PICALM: variants seen among roughly 807,000 people sequenced by gnomAD.
PICALM encodes the protein phosphatidylinositol-binding clathrin assembly protein.
A neutral mutation model predicts 80.5 loss-of-function variants in PICALM; 40 were observed. That is an observed-to-expected ratio of 0.50 (90% CI 0.39 to 0.65). The LOEUF (loss-of-function observed/expected upper bound fraction) is 0.65, where lower values mean the gene tolerates loss of function less well. Among genes scored for constraint, PICALM ranks in the 30% least tolerant of loss-of-function variants. The pLI, the probability that PICALM is intolerant of heterozygous loss-of-function variation, is 0.00. For missense variants in PICALM, 676 were observed against 778.9 expected (o/e 0.87, Z 1.57); for synonymous variants, 288 against 260.3 (o/e 1.11, Z -1.02).
intron 2 of PICALM, among the ~76,000 whole-genome samples, chr11:86,026,705 G>A (rs2095654232): frequency 1.3e-5 from 2 of 152,012 alleles, no homozygotes; most frequent in East Asian, 1.9e-4. Context: ...TTAAACAGCC[G>A]TCTGGTAAAC....
upstream of PICALM, chr11:86,069,440 C>G (rs1170744130): frequency 1.3e-5 from 2 of 152,902 alleles, no homozygotes; most frequent in African/African-American, 4.8e-5. Flanking sequence ...CGGCAGGCTT[C>G]TCCCCTTATC....
intron 1 of PICALM, among the ~76,000 whole-genome samples, chr11:86,038,547 C>T (rs540675587): frequency 6.6e-6 from 1 of 151,580 alleles, no homozygotes; most frequent in Non-Finnish European, 1.5e-5. Flanking sequence ...CTTTGGGAGA[C>T]CGAGGCGGGT....
chr11:85,970,114 G>T (rs1488100702), intron 19 of PICALM, among the ~76,000 whole-genome samples: 1 of 152,122 alleles, frequency 6.6e-6, no homozygotes, highest in East Asian at 1.9e-4. Context: ...TAGGAACTAG[G>T]GACAGAGAAG....
intron 1 of PICALM, among the ~76,000 whole-genome samples, chr11:86,062,587 A>G (rs1427175372): frequency 6.6e-6 from 1 of 152,112 alleles, no homozygotes; most frequent in Non-Finnish European, 1.5e-5. Context: ...TAGGTCCATC[A>G]ATTTTAACAA....
chr11:86,003,090 T>C (rs956316342), intron 9 of PICALM, among the ~76,000 whole-genome samples: 1 of 152,192 alleles, frequency 6.6e-6, no homozygotes, highest in Admixed American at 6.5e-5. Context: ...AGGAGAAATT[T>C]TGACATCATA....
At chr11:85,964,209 A>G (rs2093797276) in intron 19 of PICALM, among the ~76,000 whole-genome samples, 1 of 152,082 alleles carries the variant, frequency 6.6e-6, no homozygotes, top group East Asian at 1.9e-4. Context: ...TTAGGAAAAA[A>G]CTTGTGACAT....
intron 11 of PICALM, among the ~76,000 whole-genome samples, chr11:85,997,714 G>A (rs1002708360): frequency 2.0e-5 from 3 of 152,074 alleles, no homozygotes; most frequent in African/African-American, 7.2e-5. Context: ...CAGGTGATAC[G>A]CCTGCCTCGG....
rs545355076 is a variant in PICALM at position 85,959,589 on chromosome 11, T to C, written c.1945-529A>G. Among the ~76,000 whole-genome samples, 650 of 122,820 alleles carry C rather than the reference T, an allele frequency of 5.3e-3. 2 individuals carry two copies. Among genetic ancestry groups the C allele is most frequent in the African/African-American group, 0.02 (624 of 31,692 alleles). 80.6% of individuals were successfully genotyped at this position (122,820 alleles called of 152,430 possible). On this transcript the variant is annotated intron_variant, in intron 19 of 19. Transcript: ENST00000393346. ...TGGAGGTTGCAGTGAGCTGAGATCGTGCCACTGCACTCCAGCCTGGGAGAC... is the reference window on the plus strand; with the variant it reads ...TGGAGGTTGCAGTGAGCTGAGATCGCGCCACTGCACTCCAGCCTGGGAGAC...
chr11:85,966,031 G>A (rs2093882317), intron 19 of PICALM, among the ~76,000 whole-genome samples: 1 of 151,740 alleles, frequency 6.6e-6, no homozygotes, highest in African/African-American at 2.4e-5. Flanking sequence ...TGGTCAGCCT[G>A]GTTTCGAACT....
intron 3 of PICALM, among the ~76,000 whole-genome samples, chr11:86,025,394 G>T (rs61907308): frequency 0.27 from 41,093 of 151,360 alleles, 5,750 homozygotes; most frequent in African/African-American, 0.32. Flanking sequence ...ACGAGACTTC[G>T]TCTCAAAAAA....
At chr11:85,974,540 A>C in intron 19 of PICALM, 168 bp downstream of exon 19, 1 of 718,186 alleles carries the variant, frequency 1.4e-6, no homozygotes, top group East Asian at 2.6e-5. Flanking sequence ...CCTCCAAATA[A>C]TCAATATTCC....
At chr11:86,027,059 C>T (rs2095659423) in intron 2 of PICALM, among the ~76,000 whole-genome samples, 1 of 152,136 alleles carries the variant, frequency 6.6e-6, no homozygotes, top group Non-Finnish European at 1.5e-5. Context: ...TCAACTTTTC[C>T]CTAAGAATTG....
chr11:85,964,493 C>T (rs2093806616), intron 19 of PICALM, among the ~76,000 whole-genome samples: 1 of 152,206 alleles, frequency 6.6e-6, no homozygotes, highest in Non-Finnish European at 1.5e-5. Context: ...ACCTGTACTG[C>T]CGCTTATGGC....
chr11:86,013,584 T>C (rs540576853), intron 5 of PICALM, among the ~76,000 whole-genome samples: 1 of 152,178 alleles, frequency 6.6e-6, no homozygotes, highest in East Asian at 1.9e-4. Context: ...AATAAACATC[T>C]ATCAACAGGA....
At chr11:86,037,238 C>A (rs1458166208) in intron 1 of PICALM, among the ~76,000 whole-genome samples, 1 of 147,294 alleles carries the variant, frequency 6.8e-6, no homozygotes, top group African/African-American at 2.5e-5. Flanking sequence ...AGCCACCACA[C>A]CCAGCCAAAA....
intron 16 of PICALM, 110 bp downstream of exon 16, chr11:85,981,635 A>C: frequency 1.3e-6 from 1 of 749,468 alleles, no homozygotes. Context: ...TGCAGACTTG[A>C]TATCTCTACA....
chr11:86,046,465 G>A (rs1312689679), intron 1 of PICALM, among the ~76,000 whole-genome samples: 1 of 152,084 alleles, frequency 6.6e-6, no homozygotes, highest in East Asian at 1.9e-4. Flanking sequence ...GTACCCTAAA[G>A]CTTTAAAGCA....
chr11:86,041,127 T>C (rs1263817302), intron 1 of PICALM, among the ~76,000 whole-genome samples: 3 of 152,216 alleles, frequency 2.0e-5, no homozygotes, highest in Admixed American at 6.5e-5. Flanking sequence ...CAGTCTCTCC[T>C]ATGAGAGAGC....
chr11:86,000,541 TATAAAAGCATAA>T, intron 11 of PICALM, 90 bp downstream of exon 11: 1 of 857,108 alleles, frequency 1.2e-6, no homozygotes, highest in Non-Finnish European at 1.8e-6. Context: ...GTGAATAGAT[TATAAAAGCATAA>T]ATAAAAGTAA....
Sources: allele counts gnomAD v4.1 joint callset (sites outside exome capture counted in the v4.1 genomes callset), GRCh38; gene constraint gnomAD v4.1.1; transcripts MANE v1.5; gene names NCBI Gene and HGNC (gene_info 2026-07-23, HGNC 2026-07-21).